Variants in CERKL observed in about 807,000 individuals in gnomAD.
CERKL encodes CERK like autophagy regulator.
CERKL carries 61 observed loss-of-function variants against 63.4 expected under a neutral mutation model. That is an observed-to-expected ratio of 0.96 (90% CI 0.78 to 1.19). The LOEUF (loss-of-function observed/expected upper bound fraction) is 1.19, where lower values mean the gene tolerates loss of function less well. CERKL is among the 50% of genes most tolerant of loss of function. The pLI is 0.00. For missense variants in CERKL, 675 were observed against 655.5 expected (o/e 1.03, Z -0.33); for synonymous variants, 250 against 230.5 (o/e 1.08, Z -0.77).
intron 1 of CERKL, among the ~76,000 whole-genome samples, chr2:181,641,319 A>G (rs1241916701): frequency 2.6e-4 from 2 of 7,608 alleles, no homozygotes; most frequent in African/African-American, 7.1e-4. Flanking sequence ...ATATATATAT[A>G]TATATATATA....
At chr2:181,615,732 TAAACACACTTTAATTGTTAGAAGA>T (rs1328643034) in intron 1 of CERKL, among the ~76,000 whole-genome samples, 4 of 152,234 alleles carry the variant, frequency 2.6e-5, no homozygotes, top group African/African-American at 9.6e-5. Context: ...CCAATAAATT[TAAACACACTTTAATTGTTAGAAGA>T]AAACACAATT....
chr2:181,611,672 G>A (rs1685974713), intron 1 of CERKL, among the ~76,000 whole-genome samples: 1 of 152,168 alleles, frequency 6.6e-6, no homozygotes, highest in Non-Finnish European at 1.5e-5. Context: ...GCAACAGAGT[G>A]AGACCCTGTC....
At chr2:181,618,966 A>G (rs1013318790) in intron 1 of CERKL, among the ~76,000 whole-genome samples, 3 of 152,200 alleles carry the variant, frequency 2.0e-5, no homozygotes, top group African/African-American at 7.2e-5. Context: ...TTAAATACCT[A>G]AGATTTTATT....
intron 2 of CERKL, among the ~76,000 whole-genome samples, chr2:181,601,220 T>C (rs375814278): frequency 2.0e-5 from 3 of 152,182 alleles, no homozygotes; most frequent in Non-Finnish European, 2.9e-5. Context: ...GGACCTGCAA[T>C]TGAAAGAAGA....
intron 3 of CERKL, among the ~76,000 whole-genome samples, chr2:181,568,753 T>G (rs1250403284): frequency 6.6e-6 from 1 of 151,642 alleles, no homozygotes; most frequent in Non-Finnish European, 1.5e-5. Context: ...GTTACATATG[T>G]ATACATGTGC....
At chr2:181,609,321 T>G (rs1402152323) in intron 1 of CERKL, among the ~76,000 whole-genome samples, 1 of 141,458 alleles carries the variant, frequency 7.1e-6, no homozygotes. Context: ...TATTTTTTGA[T>G]GTAAGGAATG....
chr2:181,607,927 T>C (rs1311480858), intron 1 of CERKL, among the ~76,000 whole-genome samples: 5 of 152,240 alleles, frequency 3.3e-5, no homozygotes, highest in Non-Finnish European at 5.9e-5. Context: ...CTTGTAGGCT[T>C]GGTTATATTT....
At chr2:181,570,180 T>A (rs538804781) in intron 3 of CERKL, among the ~76,000 whole-genome samples, 57 of 152,284 alleles carry the variant, frequency 3.7e-4, no homozygotes, top group African/African-American at 1.3e-3. Flanking sequence ...AAAGGTACAG[T>A]AACTCTGAAC....
chr2:181,643,475 T>TGGGAAAAAG (rs1687536159), intron 1 of CERKL, among the ~76,000 whole-genome samples: 2 of 152,236 alleles, frequency 1.3e-5, no homozygotes, highest in Admixed American at 6.5e-5. Context: ...TTCAAGGTGT[T>TGGGAAAAAG]ATCCATTAGG....
intron 1 of CERKL, among the ~76,000 whole-genome samples, chr2:181,623,940 C>A (rs539725365): frequency 1.3e-5 from 2 of 152,018 alleles, no homozygotes; most frequent in East Asian, 3.9e-4. Context: ...TATATATACC[C>A]CATTTTAGCT....
At chr2:181,543,989 A>AG (rs1559069520) in intron 11 of CERKL, among the ~76,000 whole-genome samples, 1 of 151,258 alleles carries the variant, frequency 6.6e-6, no homozygotes, top group African/African-American at 2.4e-5. Flanking sequence ...AACTCAAAAA[A>AG]AAAAAAAAAA....
intron 2 of CERKL, among the ~76,000 whole-genome samples, chr2:181,587,081 T>C (rs866553547): frequency 6.6e-6 from 1 of 152,326 alleles, no homozygotes. Context: ...TACATAAGAT[T>C]TGACAACTTT....
intron 2 of CERKL, among the ~76,000 whole-genome samples, chr2:181,575,949 A>T (rs1004378779): frequency 6.6e-6 from 1 of 152,200 alleles, no homozygotes; most frequent in Admixed American, 6.5e-5. Context: ...AGTTTGTCTC[A>T]GAGTAAGGCT....
At chr2:181,617,576 T>C (rs915811406) in intron 1 of CERKL, among the ~76,000 whole-genome samples, 1 of 152,218 alleles carries the variant, frequency 6.6e-6, no homozygotes, top group South Asian at 2.1e-4. Context: ...AATTTTCTGA[T>C]GAGACTGGCA....
chr2:181,570,467 A>G (rs1245417205), intron 3 of CERKL, among the ~76,000 whole-genome samples: 1 of 152,224 alleles, frequency 6.6e-6, no homozygotes, highest in African/African-American at 2.4e-5. Flanking sequence ...TTCAGAAGCA[A>G]GAGAAATGAT....
chr2:181,570,619 G>A (rs981899350), intron 3 of CERKL, among the ~76,000 whole-genome samples: 11 of 152,124 alleles, frequency 7.2e-5, no homozygotes, highest in Non-Finnish European at 4.4e-5. Flanking sequence ...GGTGGTGGTA[G>A]CAGAGTGGGG....
chr2:181,652,179 AC>A (rs1391520816), intron 1 of CERKL, among the ~76,000 whole-genome samples: 3 of 149,720 alleles, frequency 2.0e-5, no homozygotes, highest in Non-Finnish European at 3.0e-5. Flanking sequence ...CACAAAAAAA[AC>A]CCCAAATAGC....
intron 3 of CERKL, 83 bp downstream of exon 3, chr2:181,573,670 A>C (rs926537793): frequency 3.9e-5 from 51 of 1,301,880 alleles, no homozygotes; most frequent in Non-Finnish European, 5.4e-5. Flanking sequence ...TAGTTTCCCA[A>C]GTTTGCATTA....
At chr2:181,623,600 C>A (rs1686552551) in intron 1 of CERKL, among the ~76,000 whole-genome samples, 1 of 152,214 alleles carries the variant, frequency 6.6e-6, no homozygotes, top group African/African-American at 2.4e-5. Flanking sequence ...TTGTTCCACA[C>A]AGAGAAGCCT....
Sources: allele counts gnomAD v4.1 joint callset (sites outside exome capture counted in the v4.1 genomes callset), GRCh38; gene constraint gnomAD v4.1.1; transcripts MANE v1.5; gene names NCBI Gene and HGNC (gene_info 2026-07-23, HGNC 2026-07-21).